Variants in NEBL observed in about 807,000 individuals in gnomAD.
NEBL encodes the protein LIM and SH3 protein 2.
A neutral mutation model predicts 140.2 loss-of-function variants in NEBL; 122 were observed. That is an observed-to-expected ratio of 0.87 (90% CI 0.75 to 1.01). NEBL has a LOEUF of 1.01. NEBL is among the 50% of genes least tolerant of loss of function. The probability of loss-of-function intolerance (pLI) is 0.00; values close to 1 mark genes in which losing one functional copy is unlikely to be tolerated. For synonymous variants in NEBL, 436 were observed against 398.9 expected, an observed-to-expected ratio of 1.09 and a Z score of -1.11; for missense variants, 1,365 against 1,231.3, an observed-to-expected ratio of 1.11 and a Z score of -1.62.
intron 2 of NEBL, among the ~76,000 whole-genome samples, chr10:21,082,793 C>T (rs142479366): frequency 0.025 from 2,886 of 115,704 alleles, 87 homozygotes; most frequent in African/African-American, 0.086. Flanking sequence ...GACAGAGTCT[C>T]ACTCTGTCAC....
chr10:20,888,508 G>C (rs2131363458), intron 3 of NEBL, among the ~76,000 whole-genome samples: 1 of 152,328 alleles, frequency 6.6e-6, no homozygotes, highest in East Asian at 1.9e-4. Context: ...TTTCATGCTG[G>C]ATGAGTGAGC....
At chr10:21,025,344 T>A (rs1838982403) in intron 2 of NEBL, among the ~76,000 whole-genome samples, 1 of 152,200 alleles carries the variant, frequency 6.6e-6, no homozygotes, top group Admixed American at 6.5e-5. Flanking sequence ...AGTGTGTGTA[T>A]CAAGACTGAG....
intron 2 of NEBL, among the ~76,000 whole-genome samples, chr10:21,024,559 A>G (rs1838944802): frequency 6.6e-6 from 1 of 152,094 alleles, no homozygotes; most frequent in South Asian, 2.1e-4. Flanking sequence ...GGATGGCCTC[A>G]TGAGTTGAGA....
chr10:21,132,862 A>G (rs1320591583), intron 2 of NEBL, among the ~76,000 whole-genome samples: 1 of 152,118 alleles, frequency 6.6e-6, no homozygotes, highest in Non-Finnish European at 1.5e-5. Flanking sequence ...ACCATTCTTT[A>G]TAGATTCTGG....
At chr10:21,122,002 GGTTGTTGTT>G (rs147160117) in intron 2 of NEBL, among the ~76,000 whole-genome samples, 6,182 of 149,528 alleles carry the variant, frequency 0.041, 425 homozygotes, top group African/African-American at 0.14. Flanking sequence ...GATTTCTCCT[GGTTGTTGTT>G]GTTGTTGTTG....
At chr10:21,026,257 G>A (rs190425314) in intron 2 of NEBL, among the ~76,000 whole-genome samples, 2 of 152,292 alleles carry the variant, frequency 1.3e-5, no homozygotes, top group African/African-American at 4.8e-5. Flanking sequence ...TTGGGAGTGA[G>A]TAGGGAGGGG....
intron 2 of NEBL, among the ~76,000 whole-genome samples, chr10:21,095,532 A>G (rs759981276): frequency 6.6e-6 from 1 of 152,224 alleles, no homozygotes; most frequent in Non-Finnish European, 1.5e-5. Context: ...TGCTATTTAA[A>G]CTGTTAAGCT....
At chr10:21,067,854 C>T (rs1047450442) in intron 2 of NEBL, among the ~76,000 whole-genome samples, 8 of 152,100 alleles carry the variant, frequency 5.3e-5, no homozygotes, top group African/African-American at 1.4e-4. Flanking sequence ...GGTGGCGAAC[C>T]TGTGGTTCCA....
intron 3 of NEBL, among the ~76,000 whole-genome samples, chr10:21,002,736 A>G (rs1837958598): frequency 1.3e-5 from 2 of 152,054 alleles, no homozygotes; most frequent in Admixed American, 1.3e-4. Context: ...AAACAACCAG[A>G]TCTCGGGAGA....
At chr10:21,109,395 G>A (rs11012528) in intron 2 of NEBL, among the ~76,000 whole-genome samples, 2,415 of 152,218 alleles carry the variant, frequency 0.016, 45 homozygotes, top group African/African-American at 0.056. Context: ...GCTGGATTCA[G>A]TTTGCCAGTA....
At chr10:20,878,214 C>G (rs970870878) in intron 5 of NEBL, among the ~76,000 whole-genome samples, 1 of 152,118 alleles carries the variant, frequency 6.6e-6, no homozygotes, top group African/African-American at 2.4e-5. Flanking sequence ...TGCTTACTCA[C>G]ATTACTAAAG....
intron 2 of NEBL, among the ~76,000 whole-genome samples, chr10:21,249,545 A>G (rs1361551155): frequency 6.6e-6 from 1 of 151,690 alleles, no homozygotes; most frequent in Non-Finnish European, 1.5e-5. Context: ...GTTAATTTCA[A>G]TAGTGATCTT....
chr10:21,276,076 T>C (rs1353174337), intron 1 of NEBL, among the ~76,000 whole-genome samples: 1 of 151,754 alleles, frequency 6.6e-6, no homozygotes, highest in Non-Finnish European at 1.5e-5. Flanking sequence ...GTTCAAGCGA[T>C]TGTCATGCCT....
chr10:21,285,313 T>A (rs1245940913), intron 1 of NEBL, among the ~76,000 whole-genome samples: 1 of 152,108 alleles, frequency 6.6e-6, no homozygotes, highest in Non-Finnish European at 1.5e-5. Flanking sequence ...CAAACATCCC[T>A]CCTATTCTAT....
chr10:21,248,885 G>A (rs1447186643), intron 2 of NEBL, among the ~76,000 whole-genome samples: 1 of 151,702 alleles, frequency 6.6e-6, no homozygotes, highest in Non-Finnish European at 1.5e-5. Context: ...ATGAAGTGAT[G>A]TCTCATTGTG....
In NEBL at chr10:20,852,567, C is replaced by G. The variant is rs776185255; in HGVS notation, c.986G>C (p.Gly329Ala). Reference protein sequence around the residue: ...ADAVEHLHHKGNAVLQSQVKY... With the variant: ...ADAVEHLHHKANAVLQSQVKY... Reference sequence around the variant, plus strand: ...TACCTGACTTTGGAGGACGGCATTGCCTTTATGGTGCAGATGTTCCACAGC... The same window carrying G: ...TACCTGACTTTGGAGGACGGCATTGGCTTTATGGTGCAGATGTTCCACAGC... Residue 329 changes from glycine to alanine, a missense_variant, in exon 10 of 28, where the codon GGC becomes GCC. Physicochemically the swap from Gly to Ala is moderately conservative, Grantham distance 60. This residue lies in a region of NEBL where 1,323 missense variants were observed against 1,154.8 expected (regional missense o/e 1.15). Coordinates refer to ENST00000377122, the MANE Select transcript of NEBL (RefSeq NM_006393.3). 1 of 1,613,362 alleles carries G rather than the reference C, an allele frequency of 6.2e-7. No homozygotes were observed. The highest frequency in any genetic ancestry group is 1.3e-5 in the African/African-American group (1 of 74,994).
chr10:21,018,658 G>A (rs1037921902), intron 3 of NEBL, among the ~76,000 whole-genome samples: 2 of 152,072 alleles, frequency 1.3e-5, no homozygotes, highest in African/African-American at 4.8e-5. Context: ...ACAGGCAACT[G>A]CAACCTCCCC....
intron 2 of NEBL, among the ~76,000 whole-genome samples, chr10:21,119,358 G>A (rs1309595063): frequency 6.6e-6 from 1 of 151,590 alleles, no homozygotes; most frequent in Non-Finnish European, 1.5e-5. Context: ...CAACATTTTG[G>A]CATATTTGCT....
chr10:21,070,626 A>G (rs1835774925), intron 2 of NEBL, among the ~76,000 whole-genome samples: 1 of 152,212 alleles, frequency 6.6e-6, no homozygotes, highest in Non-Finnish European at 1.5e-5. Context: ...ACCAAGACAC[A>G]CTTAAAAAAA....
Sources: allele counts gnomAD v4.1 joint callset (sites outside exome capture counted in the v4.1 genomes callset), GRCh38; gene constraint gnomAD v4.1.1; regional missense constraint gnomAD v4.1.1; transcripts MANE v1.5; gene names NCBI Gene and HGNC (gene_info 2026-07-23, HGNC 2026-07-21).